CAPN3: variants seen among roughly 807,000 people sequenced by gnomAD.
CAPN3 encodes calpain-3.
A neutral mutation model predicts 114.0 loss-of-function variants in CAPN3; 88 were observed. The observed-to-expected ratio is 0.77, with a 90% CI of 0.65 to 0.92. The LOEUF is 0.92. CAPN3 is among the 40% of genes least tolerant of loss of function. The pLI is 0.00. For synonymous variants in CAPN3, 386 were observed against 382.9 expected (o/e 1.01, Z -0.09); for missense variants, 1,028 against 1,069.0 (o/e 0.96, Z 0.53).
chr15:42,363,570 T>G (rs1230202012), intron 1 of CAPN3, among the ~76,000 whole-genome samples: 1 of 152,176 alleles, frequency 6.6e-6, no homozygotes, highest in African/African-American at 2.4e-5. Context: ...GCAAGCTGCC[T>G]GCAAGAAGCA....
chr15:42,366,315 C>G (rs548846982), intron 1 of CAPN3, among the ~76,000 whole-genome samples: 10 of 152,144 alleles, frequency 6.6e-5, no homozygotes, highest in Admixed American at 1.3e-4. Flanking sequence ...CGACATGGAC[C>G]CAGCCACACC....
At chr15:42,410,781 C>G (rs1328971272) in intron 21 of CAPN3, 103 bp from the exon 22 acceptor site, 1 of 1,369,050 alleles carries the variant, frequency 7.3e-7, no homozygotes, top group Admixed American at 1.7e-5. Flanking sequence ...GGGCTTCTCA[C>G]TTTCCCTTCC....
intron 4 of CAPN3, among the ~76,000 whole-genome samples, chr15:42,388,483 T>G (rs2053462893): frequency 1.3e-5 from 2 of 152,120 alleles, no homozygotes; most frequent in African/African-American, 4.8e-5. Flanking sequence ...TTTTTGTATT[T>G]TTTTGTAGAG....
intron 1 of CAPN3, among the ~76,000 whole-genome samples, chr15:42,374,985 A>AT (rs1566970580): frequency 2.3e-5 from 3 of 129,844 alleles, no homozygotes; most frequent in Non-Finnish European, 5.0e-5. Context: ...GTTTAAATAA[A>AT]AATTTATTTA....
chr15:42,395,544 G>A (rs2053665732), intron 8 of CAPN3, among the ~76,000 whole-genome samples: 1 of 152,168 alleles, frequency 6.6e-6, no homozygotes, highest in Non-Finnish European at 1.5e-5. Context: ...GTTACCTGGA[G>A]GGAGTGACAT....
intron 14 of CAPN3, chr15:42,404,740 G>A (rs2053971259): frequency 5.2e-6 from 6 of 1,155,684 alleles, no homozygotes; most frequent in Non-Finnish European, 6.5e-6. Flanking sequence ...GAGGACAAAT[G>A]CCCCTCTGAA....
intron 1 of CAPN3, among the ~76,000 whole-genome samples, chr15:42,367,078 C>T (rs1337554345): frequency 3.9e-5 from 6 of 152,052 alleles, no homozygotes; most frequent in Admixed American, 2.0e-4. Flanking sequence ...AGTGATCCAC[C>T]GCCTCAGCCT....
chr15:42,376,916 G>A (rs2053103344), intron 1 of CAPN3, among the ~76,000 whole-genome samples: 1 of 152,022 alleles, frequency 6.6e-6, no homozygotes, highest in African/African-American at 2.4e-5. Context: ...AATATTTCTT[G>A]GCTTAGTGTG....
chr15:42,408,252 G>A lies in CAPN3; in HGVS notation c.1842G>A (p.Glu614=). 3 of 1,613,954 alleles carry A rather than the reference G, an allele frequency of 1.9e-6. No individual in the cohort carries two copies. The highest frequency in any genetic ancestry group is 2.5e-6 in the Non-Finnish European group (3 of 1,179,890). Residue 614 remains glutamate, a synonymous_variant, in exon 16 of 24, where the codon GAG becomes GAA. Transcript: ENST00000397163. The part of the protein sequence containing the change: ...FVSDRANSNK[E]LGVDQESEEG... ...CGGACAGAGCAAACAGCAACAAGGA[G>A]CTGGGTGTGGACCAGGAGTCAGAGG...
At position 42,394,349 on chromosome 15, in the gene CAPN3, A is replaced by G. The variant is rs760196248; in HGVS notation, c.1115+8A>G. 4.6e-5 allele frequency: 71 copies of G among 1,555,346 alleles called. No individual in the cohort carries two copies. Among genetic ancestry groups the G allele is most frequent in the Non-Finnish European group, 5.7e-5 (65 of 1,148,742 alleles). On this transcript the variant is annotated splice_region_variant and intron_variant, in intron 8 of 23. Coordinates refer to ENST00000397163, the MANE Select transcript of CAPN3 (RefSeq NM_000070.3). ...CGGTTCTTGGAGTGATAGGTAGGTG[A>G]GGGGACCCCACGGGATTGGCGGTGG...
chr15:42,377,897 TTTTGTCATTCAAGAAA>T (rs2053133041), intron 1 of CAPN3, among the ~76,000 whole-genome samples: 1 of 152,214 alleles, frequency 6.6e-6, no homozygotes, highest in African/African-American at 2.4e-5. Flanking sequence ...TTTTGGTAGC[TTTTGTCATTCAAGAAA>T]TTTGTCAGTT....
At chr15:42,410,791 C>T (rs1001691075) in intron 21 of CAPN3, 93 bp from the exon 22 acceptor site, 1 of 1,380,440 alleles carries the variant, frequency 7.2e-7, no homozygotes, top group Admixed American at 1.7e-5. Context: ...CTTTCCCTTC[C>T]CAGGTCACAG....
intron 15 of CAPN3, among the ~76,000 whole-genome samples, chr15:42,407,580 C>T (rs1266311029): frequency 1.3e-5 from 2 of 152,138 alleles, no homozygotes; most frequent in Admixed American, 6.5e-5. Flanking sequence ...CTGCCTGCTT[C>T]GGCCTCCTAA....
At chr15:42,360,843 C>T (rs998165073) in intron 1 of CAPN3, among the ~76,000 whole-genome samples, 1 of 152,200 alleles carries the variant, frequency 6.6e-6, no homozygotes, top group African/African-American at 2.4e-5. Flanking sequence ...AAATCACATT[C>T]CCCTGGCTCA....
At chr15:42,401,513 G>C in intron 10 of CAPN3, 128 bp from the exon 11 acceptor site, 1 of 572,952 alleles carries the variant, frequency 1.7e-6, no homozygotes, top group Non-Finnish European at 3.1e-6. Flanking sequence ...TGCCTGAATC[G>C]TGTTTTCTGT....
Position 42,410,934 on chromosome 15 carries a change from G to A in CAPN3, c.2314G>A (p.Asp772Asn). 1 of 1,614,208 alleles carries A rather than the reference G, an allele frequency of 6.2e-7. No homozygotes were observed. The highest frequency in any genetic ancestry group is 8.5e-7 in the Non-Finnish European group (1 of 1,180,012). The change falls in exon 22 of 24, where the codon GAC becomes AAC. Residue 772 changes from aspartate (D) to asparagine (N), a missense_variant. Physicochemically the swap from Asp to Asn is conservative, Grantham distance 23. Coordinates refer to ENST00000397163, the MANE Select transcript of CAPN3 (RefSeq NM_000070.3). ...LYDIITMRYA[D>N]KHMNIDFDSF... ...TGACATCATTACCATGCGGTACGCA[G>A]ACAAACACATGAACATCGACTTTGA...
chr15:42,366,354 C>T (rs1437434752), intron 1 of CAPN3, among the ~76,000 whole-genome samples: 1 of 152,180 alleles, frequency 6.6e-6, no homozygotes, highest in Non-Finnish European at 1.5e-5. Flanking sequence ...TCTGTATGAC[C>T]TGGTCTCTTG....
At chr15:42,397,024 A>G in intron 9 of CAPN3, 147 bp downstream of exon 9, 1 of 685,678 alleles carries the variant, frequency 1.5e-6, no homozygotes. Flanking sequence ...CCCAGCAAGG[A>G]TGAGGTTCTG....
intron 14 of CAPN3, chr15:42,404,425 G>T (rs1315514282): frequency 1.5e-5 from 7 of 456,558 alleles, no homozygotes; most frequent in South Asian, 7.7e-5. Flanking sequence ...GGTAGATGGG[G>T]TTATAATCCC....
Sources: gnomAD v4.1 joint callset for allele counts (sites outside exome capture counted in the v4.1 genomes callset) on GRCh38, gnomAD v4.1.1 for gene constraint, MANE v1.5 for transcripts, NCBI Gene and HGNC (gene_info 2026-07-23, HGNC 2026-07-21) for gene names.